Variants in WASF2 observed in about 807,000 individuals in gnomAD.
WASF2 encodes WASP family member 2.
A neutral mutation model predicts 45.0 loss-of-function variants in WASF2; 14 were observed. That is an observed-to-expected ratio of 0.31 (90% confidence interval 0.21 to 0.49). WASF2 has a LOEUF of 0.49. Ranked by LOEUF, WASF2 falls within the 20% of genes least tolerant of loss-of-function variation. The probability of loss-of-function intolerance (pLI) is 0.99; values close to 1 mark genes in which losing one functional copy is unlikely to be tolerated. For synonymous variants in WASF2, 200 were observed against 236.3 expected (o/e 0.85, Z 1.41); for missense variants, 439 against 636.1 (o/e 0.69, Z 3.33).
At chr1:27,445,828 T>C (rs976323313) in intron 1 of WASF2, among the ~76,000 whole-genome samples, 5 of 151,000 alleles carry the variant, frequency 3.3e-5, no homozygotes, top group African/African-American at 1.2e-4. Flanking sequence ...CATCAAATCT[T>C]CTCATCAGGG....
chr1:27,448,479 T>C (rs1469120854), intron 1 of WASF2, among the ~76,000 whole-genome samples: 1 of 152,036 alleles, frequency 6.6e-6, no homozygotes, highest in Non-Finnish European at 1.5e-5. Flanking sequence ...CAAAAGACAA[T>C]AGTAAAACAC....
intron 8 of WASF2, among the ~76,000 whole-genome samples, chr1:27,409,476 A>C (rs2016730630): frequency 6.7e-6 from 1 of 149,334 alleles, no homozygotes. Flanking sequence ...AGAATCCTTT[A>C]CTTTAAACCA....
chr1:27,435,685 A>G (rs753068028), intron 1 of WASF2, among the ~76,000 whole-genome samples: 1 of 152,016 alleles, frequency 6.6e-6, no homozygotes, highest in South Asian at 2.1e-4. Flanking sequence ...GAAGAAAACA[A>G]AAAGGGAGGG....
intron 1 of WASF2, among the ~76,000 whole-genome samples, chr1:27,432,474 C>T (rs913822582): frequency 6.6e-6 from 1 of 151,592 alleles, no homozygotes; most frequent in African/African-American, 2.4e-5. Flanking sequence ...TGGTGAAACG[C>T]CGTCTCTACT....
chr1:27,461,014 T>G lies in WASF2; in HGVS notation c.-44+28972A>C, dbSNP rs182184450. On this transcript the variant is annotated intron_variant, in intron 1 of 8. Coordinates refer to ENST00000618852, the MANE Select transcript of WASF2 (RefSeq NM_006990.5). ...ACAAAAAATTATCTGGGGGTGTTTG[T>G]GGGCGCCTGTAGTCCCAACTACTCG... 4.5e-3 allele frequency among the ~76,000 whole-genome samples: 678 copies of G among 152,024 alleles called. 6 individuals are homozygous for G. Among genetic ancestry groups the G allele is most frequent in the Middle Eastern group, 0.017 (5 of 294 alleles).
intron 1 of WASF2, among the ~76,000 whole-genome samples, chr1:27,463,286 C>A (rs1482055224): frequency 6.6e-6 from 1 of 152,048 alleles, no homozygotes; most frequent in Non-Finnish European, 1.5e-5. Flanking sequence ...GATATTTTAA[C>A]TTTTTCTTAG....
chr1:27,415,825 T>G (rs764727050), intron 5 of WASF2, among the ~76,000 whole-genome samples, 160 bp downstream of exon 5: 7 of 152,224 alleles, frequency 4.6e-5, no homozygotes, highest in Non-Finnish European at 1.5e-5. Context: ...TACTTTCATC[T>G]TGGTTGTGCT....
intron 1 of WASF2, among the ~76,000 whole-genome samples, chr1:27,474,400 G>A (rs2017736956): frequency 6.6e-6 from 1 of 152,178 alleles, no homozygotes; most frequent in South Asian, 2.1e-4. Context: ...ACTCTGGGAG[G>A]CTGAAGCTGA....
chr1:27,432,439 G>T (rs2017078205), intron 1 of WASF2, among the ~76,000 whole-genome samples: 1 of 151,966 alleles, frequency 6.6e-6, no homozygotes, highest in Non-Finnish European at 1.5e-5. Flanking sequence ...ACGAGGTCAG[G>T]AGATCGAGAC....
At chr1:27,443,626 A>C (rs2017274320) in intron 1 of WASF2, among the ~76,000 whole-genome samples, 1 of 152,130 alleles carries the variant, frequency 6.6e-6, no homozygotes, top group African/African-American at 2.4e-5. Flanking sequence ...AAAACAAAAA[A>C]AAATTTAATA....
intron 1 of WASF2, among the ~76,000 whole-genome samples, chr1:27,454,722 C>T (rs564080980): frequency 1.0e-3 from 152 of 152,236 alleles, no homozygotes; most frequent in African/African-American, 3.4e-3. Flanking sequence ...CTAATATTAA[C>T]GTATATACCC....
intron 1 of WASF2, among the ~76,000 whole-genome samples, chr1:27,429,733 G>A (rs989952591): frequency 6.0e-5 from 9 of 148,978 alleles, no homozygotes; most frequent in African/African-American, 1.5e-4. Flanking sequence ...CTGAGATTGC[G>A]CCATTGCACT....
intron 1 of WASF2, among the ~76,000 whole-genome samples, chr1:27,444,925 G>A (rs2017292368): frequency 6.6e-6 from 1 of 152,140 alleles, no homozygotes; most frequent in Non-Finnish European, 1.5e-5. Context: ...AGCCTTCCCT[G>A]AATCTTCCAG....
chr1:27,429,968 C>T (rs1005064594), intron 1 of WASF2, among the ~76,000 whole-genome samples: 2 of 152,158 alleles, frequency 1.3e-5, no homozygotes, highest in Non-Finnish European at 2.9e-5. Flanking sequence ...TTCTTGCTCC[C>T]ATCCGGTTCA....
chr1:27,464,251 G>T (rs1223815370), intron 1 of WASF2, among the ~76,000 whole-genome samples: 2 of 151,682 alleles, frequency 1.3e-5, no homozygotes, highest in Non-Finnish European at 2.9e-5. Flanking sequence ...CATGGTGGTG[G>T]GTGCCTGTAA....
At position 27,412,659 on chromosome 1, in the gene WASF2, T is replaced by C. The variant is rs769920467; in HGVS notation, c.737A>G (p.Tyr246Cys). ...GCVENVDASSYPPPPQSDSAS... is the reference protein window; with the variant it reads ...GCVENVDASSCPPPPQSDSAS... Reference sequence around the variant, plus strand: ...AGAGTCTGACTGTGGTGGTGGCGGATAGCTACTTGCATCCACGTTTTCAAC... The same window carrying C: ...AGAGTCTGACTGTGGTGGTGGCGGACAGCTACTTGCATCCACGTTTTCAAC... The change falls in exon 7 of 9, where the codon TAT becomes TGT. Residue 246 changes from tyrosine to cysteine, a missense_variant. Coordinates refer to ENST00000618852, the MANE Select transcript of WASF2 (RefSeq NM_006990.5). The C allele has an allele frequency of 9.9e-6, 16 of 1,614,116 alleles. No individual in the cohort carries two copies. Among genetic ancestry groups the C allele is most frequent in the African/African-American group, 5.3e-5 (4 of 74,934 alleles).
rs112223966 is a variant in WASF2, at chr1:27,409,383, C to T, written c.1339+309G>A. On this transcript the variant is annotated intron_variant, in intron 8 of 8. Coordinates refer to ENST00000618852, the MANE Select transcript of WASF2 (RefSeq NM_006990.5). ...GAGCTTGCAGTGAGCCGAGATCGAGCCACTGCACTCCAGCCTGGGCAAAAG... is the reference window on the plus strand; with the variant it reads ...GAGCTTGCAGTGAGCCGAGATCGAGTCACTGCACTCCAGCCTGGGCAAAAG... 1.0e-3 allele frequency among the ~76,000 whole-genome samples: 147 copies of T among 140,204 alleles called. 3 individuals carry two copies. Among genetic ancestry groups the T allele is most frequent in the Admixed American group, 1.0e-3 (14 of 13,378 alleles). 92.0% of individuals were successfully genotyped at this position (140,204 alleles called of 152,430 possible).
At position 27,436,354 on chromosome 1, in the gene WASF2, G is replaced by A. The variant is rs544031235; in HGVS notation, c.-43-7421C>T. Reference sequence around the variant, plus strand: ...CCAGCTACTCAGGGGGCTCAGGCAGGAGGACTGAGGATTGCTTGAGCCTTG... The same window carrying A: ...CCAGCTACTCAGGGGGCTCAGGCAGAAGGACTGAGGATTGCTTGAGCCTTG... On this transcript the variant is annotated intron_variant, in intron 1 of 8. Transcript: ENST00000618852. Among the ~76,000 whole-genome samples, 322 of 152,270 alleles carry A rather than the reference G, an allele frequency of 2.1e-3. 1 individual carries two copies. The highest frequency in any genetic ancestry group is 7.4e-3 in the African/African-American group (308 of 41,540).
intron 1 of WASF2, among the ~76,000 whole-genome samples, chr1:27,473,820 C>A (rs969600468): frequency 1.3e-5 from 2 of 152,150 alleles, no homozygotes; most frequent in African/African-American, 4.8e-5. Flanking sequence ...CCTAATTATT[C>A]CAGTTCAGGG....
Sources: allele counts gnomAD v4.1 joint callset (sites outside exome capture counted in the v4.1 genomes callset), GRCh38; gene constraint gnomAD v4.1.1; transcripts MANE v1.5; gene names NCBI Gene and HGNC (gene_info 2026-07-23, HGNC 2026-07-21).